Variants in HTRA2 observed in about 807,000 individuals in gnomAD.
The protein encoded by HTRA2 is HtrA serine peptidase 2, also known as serine protease HTRA2, mitochondrial.
In HTRA2, 24 loss-of-function variants were observed where a neutral mutation model predicts 42.2. The ratio of observed to expected loss-of-function variants is 0.57; its 90% confidence interval spans 0.41 to 0.80. The LOEUF (loss-of-function observed/expected upper bound fraction) is 0.80, where lower values mean the gene tolerates loss of function less well. Among genes scored for constraint, HTRA2 ranks in the 30% least tolerant of loss-of-function variants. HTRA2 has a pLI of 0.00. For missense variants in HTRA2, 466 were observed against 613.5 expected (o/e 0.76, Z 2.54); for synonymous variants, 245 against 255.8 (o/e 0.96, Z 0.40).
intron 3 of HTRA2, 77 bp downstream of exon 3, chr2:74,531,182 T>G: frequency 1.3e-6 from 2 of 1,543,804 alleles, no homozygotes; most frequent in East Asian, 2.2e-5. Context: ...CCAACTGATA[T>G]ATGGTGGATG....
chr2:74,530,513 G>C lies in HTRA2; in HGVS notation c.506+1G>C. 1.9e-6 allele frequency: 3 copies of C among 1,612,662 alleles called. No individual in the cohort carries two copies. Among genetic ancestry groups the C allele is most frequent in the Non-Finnish European group, 1.7e-6 (2 of 1,180,042 alleles). ...TGGTCTATATCGAGATCCTGGACCG[G>C]TAATGGTGGGGGTAGACCGGGAGGC... On this transcript the variant is annotated splice_donor_variant, in intron 1 of 7. Transcript: ENST00000258080. LOFTEE classifies it high-confidence loss of function. The surrounding 1 kb of genome is among the most constrained non-coding windows in gnomAD (Gnocchi z 7.4).
chr2:74,529,602 C>A, upstream of HTRA2: 1 of 1,567,790 alleles, frequency 6.4e-7, no homozygotes, highest in Non-Finnish European at 8.7e-7. Flanking sequence ...AAGAGCCGCT[C>A]CGGCCCCGGC....
upstream of HTRA2, chr2:74,529,863 G>T (rs1355285232): frequency 2.0e-5 from 29 of 1,416,686 alleles, no homozygotes; most frequent in Non-Finnish European, 2.4e-5. Flanking sequence ...GCAGGGAGGA[G>T]TCGGCCTCCC....
chr2:74,529,926 C>CCGCGTCCTACTGTCCGCCTGCT (rs1218602292), upstream of HTRA2: 2 of 1,482,864 alleles, frequency 1.3e-6, no homozygotes, highest in African/African-American at 2.8e-5. Context: ...CCGGCGTGCC[C>CCGCGTCCTACTGTCCGCCTGCT]CGCGTCCTAC....
chr2:74,529,493 C>A, upstream of HTRA2: 1 of 1,552,762 alleles, frequency 6.4e-7, no homozygotes. Context: ...AGCAGTCACC[C>A]GGAAGCCTGG....
chr2:74,532,354 A>G (rs1675671910), intron 6 of HTRA2: 2 of 506,084 alleles, frequency 4.0e-6, no homozygotes, highest in Non-Finnish European at 7.2e-6. Flanking sequence ...TTTCCCCTTA[A>G]AGCTTCTCTT....
chr2:74,532,000 C>T, intron 6 of HTRA2, 75 bp downstream of exon 6: 1 of 1,340,878 alleles, frequency 7.5e-7, no homozygotes, highest in Non-Finnish European at 1.1e-6. Context: ...GAGCTTTGTT[C>T]TCATTTCTGT....
Position 74,529,944 on chromosome 2 carries a change from C to T in HTRA2, c.-63C>T, listed in dbSNP as rs1228580171. 1 of 1,494,778 alleles carries T rather than the reference C, an allele frequency of 6.7e-7. No individual in the cohort carries two copies. The highest frequency in any genetic ancestry group is 1.4e-5 in the African/African-American group (1 of 71,490). 92.6% of individuals were successfully genotyped at this position (1,494,778 alleles called of 1,614,324 possible). ...GCGTGCCCCGCGTCCTACTGTCCGC[C>T]TGCTCGCGTCCTGGGTGCCGCCTCT... On this transcript the variant is annotated 5_prime_UTR_variant, in exon 1 of 8. Transcript: ENST00000258080.
In HTRA2 at chr2:74,532,964, G is replaced by C; in HGVS notation, c.1356G>C (p.Val452=). ...RRGRETLTLY[V]TPEVTE ...GACGAGAAACACTGACCTTATATGT[G>C]ACCCCTGAGGTCACAGAATGAATAG... The change falls in exon 8 of 8, where the codon GTG becomes GTC. Residue 452 remains valine (V), a synonymous_variant. Transcript: ENST00000258080. 1 of 1,613,814 alleles carries C rather than the reference G, an allele frequency of 6.2e-7. No homozygotes were observed. Among genetic ancestry groups the C allele is most frequent in the Non-Finnish European group, 8.5e-7 (1 of 1,179,926 alleles).
At chr2:74,529,824 C>T (rs557249788), upstream of HTRA2, 2 of 1,426,646 alleles carry the variant, frequency 1.4e-6, no homozygotes, top group South Asian at 1.5e-5. Context: ...TCGCGTCCGG[C>T]GGAGACCACA....
rs1367869917 is a variant in HTRA2, at chr2:74,530,103, C to T, written c.97C>T (p.Pro33Ser). 4 of 1,606,712 alleles carry T rather than the reference C, an allele frequency of 2.5e-6. No homozygotes were observed. Among genetic ancestry groups the T allele is most frequent in the African/African-American group, 1.3e-5 (1 of 74,878 alleles). ...IRWGRRPRLTPDLRALLTSGT... is the reference protein window; with the variant it reads ...IRWGRRPRLTSDLRALLTSGT... ...CTGGGGGAGGAGACCCCGTTTGACC[C>T]CTGACCTCCGGGCCCTGCTGACGTC... The change falls in exon 1 of 8, where the codon CCT becomes TCT. Residue 33 changes from proline (P) to serine (S), a missense_variant. Transcript: ENST00000258080. The surrounding 1 kb of genome is among the most constrained non-coding windows in gnomAD (Gnocchi z 7.4).
upstream of HTRA2, chr2:74,529,492 C>T (rs1438707787): frequency 9.0e-6 from 14 of 1,552,938 alleles, no homozygotes; most frequent in Admixed American, 2.1e-4. Context: ...AAGCAGTCAC[C>T]CGGAAGCCTG....
Position 74,531,026 on chromosome 2 carries a change from G to A in HTRA2, c.827G>A (p.Ser276Asn). 1 of 1,614,236 alleles carries A rather than the reference G, an allele frequency of 6.2e-7. No homozygotes were observed. Among genetic ancestry groups the A allele is most frequent in the South Asian group, 1.1e-5 (1 of 91,086 alleles). Residue 276 changes from serine (S) to asparagine (N), a missense_variant, in exon 3 of 8, where the codon AGC becomes AAC. By Grantham distance (46) the Ser-to-Asn change is conservative. Coordinates refer to ENST00000258080, the MANE Select transcript of HTRA2 (RefSeq NM_013247.5). ...AACACGATCACATCCGGCATTGTTA[G>A]CTCTGCTCAGCGTCCAGCCAGAGAC... ...LQNTITSGIVSSAQRPARDLG... is the reference protein window; with the variant it reads ...LQNTITSGIVNSAQRPARDLG...
intron 5 of HTRA2, 53 bp from the exon 6 acceptor site, chr2:74,531,803 G>GAT: frequency 1.9e-6 from 3 of 1,612,384 alleles, no homozygotes; most frequent in Non-Finnish European, 2.5e-6. Context: ...GGGAGAAGAG[G>GAT]GCAGGGAAGG....
chr2:74,532,330 C>G (rs1301392092), intron 6 of HTRA2: 1 of 488,504 alleles, frequency 2.0e-6, no homozygotes, highest in Non-Finnish European at 3.7e-6. Flanking sequence ...TCCTTTTAGG[C>G]TCAACTTAAG....
chr2:74,529,433 G>A (rs774347474), upstream of HTRA2: 14 of 1,579,148 alleles, frequency 8.9e-6, no homozygotes, highest in African/African-American at 1.1e-4. Context: ...GGCGCAGGAC[G>A]AGGAGGCAGA....
Position 74,530,189 on chromosome 2 carries a change from G to C in HTRA2, c.183G>C (p.Leu61Phe). Residue 61 changes from leucine to phenylalanine, a missense_variant, in exon 1 of 8, where the codon TTG (leucine) becomes TTC (phenylalanine). Leu to Phe is a conservative substitution (Grantham distance 22). Around this residue, in one of 3 missense-constraint regions of HTRA2, gnomAD observed 222 missense variants for 205.1 expected, o/e 1.08. Coordinates refer to ENST00000258080, the MANE Select transcript of HTRA2 (RefSeq NM_013247.5). The surrounding 1 kb of genome is among the most constrained non-coding windows in gnomAD (Gnocchi z 7.4). ...GGACCCCCAGTCTCTGGGCCCGGTT[G>C]TCTGTTGGGGTCACTGAACCCCGAG... is the stretch of plus-strand genomic sequence containing the variant. Reference protein sequence around the residue: ...TYGTPSLWARLSVGVTEPRAC... With the variant: ...TYGTPSLWARFSVGVTEPRAC... 6.2e-7 allele frequency: 1 copy of C among 1,611,390 alleles called. No homozygotes were observed. The highest frequency in any genetic ancestry group is 1.1e-5 in the South Asian group (1 of 90,850).
At position 74,530,117 on chromosome 2, in the gene HTRA2, C is replaced by T. The variant is rs1209945871; in HGVS notation, c.111C>T (p.Ala37=). ...CCCGTTTGACCCCTGACCTCCGGGC[C>T]CTGCTGACGTCAGGAACTTCTGACC... is the stretch of plus-strand genomic sequence containing the variant. The part of the protein sequence containing the change: ...RRPRLTPDLR[A]LLTSGTSDPR... Residue 37 remains alanine (A), a synonymous_variant, in exon 1 of 8, where the codon GCC becomes GCT. Coordinates refer to ENST00000258080, the MANE Select transcript of HTRA2 (RefSeq NM_013247.5). This position sits in a 1 kb window ranked among gnomAD's most constrained non-coding sequence, Gnocchi z 7.4. The T allele has an allele frequency of 1.2e-6, 2 of 1,610,172 alleles. No individual in the cohort carries two copies. Among genetic ancestry groups the T allele is most frequent in the East Asian group, 2.2e-5 (1 of 44,762 alleles).
chr2:74,531,291 A>G (rs1177876699), intron 3 of HTRA2, 48 bp from the exon 4 acceptor site: 6 of 1,607,192 alleles, frequency 3.7e-6, no homozygotes, highest in Non-Finnish European at 5.1e-6. Flanking sequence ...GTATGCCCCC[A>G]GACTTAGAAT....
Sources: allele counts gnomAD v4.1 joint callset, GRCh38; gene constraint gnomAD v4.1.1; regional missense constraint gnomAD v4.1.1; non-coding constraint Gnocchi (gnomAD v3.1); transcripts MANE v1.5; gene names NCBI Gene and HGNC (gene_info 2026-07-23, HGNC 2026-07-21).